The following CATSPERT variants were observed in gnomAD, a reference collection of about 807,000 sequenced individuals.
The protein encoded by CATSPERT is catsper channel auxiliary subunit tau.
the CATSPERT span, among the ~76,000 whole-genome samples, chr2:201,532,261 A>C: frequency 1.3e-5 from 2 of 152,220 alleles, no homozygotes; most frequent in African/African-American, 4.8e-5. Context: ...TAAGCTCCAC[A>C]AGAACATTTA....
chr2:201,503,342 T>G, the CATSPERT span, among the ~76,000 whole-genome samples: 1 of 152,334 alleles, frequency 6.6e-6, no homozygotes, highest in South Asian at 2.1e-4. Context: ...ATCTTCCTGC[T>G]TGAGCCTCCT....
the CATSPERT span, among the ~76,000 whole-genome samples, chr2:201,591,910 A>G: frequency 6.6e-6 from 1 of 151,924 alleles, no homozygotes; most frequent in East Asian, 1.9e-4. Flanking sequence ...TTTTCTAGAT[A>G]TACAATCATG....
At chr2:201,557,309 G>C in the CATSPERT span, 1 of 152,152 alleles carries the variant, frequency 6.6e-6, no homozygotes, top group Non-Finnish European at 1.5e-5. Flanking sequence ...GATGAGAAGG[G>C]GTGAGAATTA....
At chr2:201,592,094 C>T in the CATSPERT span, among the ~76,000 whole-genome samples, 1 of 151,450 alleles carries the variant, frequency 6.6e-6, no homozygotes. Flanking sequence ...CCAGTTTTTG[C>T]CCATTCAGTA....
At chr2:201,558,784 A>G in the CATSPERT span, among the ~76,000 whole-genome samples, 8,368 of 152,176 alleles carry the variant, frequency 0.055, 279 homozygotes, top group African/African-American at 0.08. Flanking sequence ...TGCCATCTTG[A>G]AGCGCACCCT....
chr2:201,527,420 A>C, the CATSPERT span, among the ~76,000 whole-genome samples: 1 of 152,224 alleles, frequency 6.6e-6, no homozygotes, highest in Non-Finnish European at 1.5e-5. Context: ...TCTAAAATTC[A>C]TATGGAGCCA....
the CATSPERT span, chr2:201,535,893 C>T: frequency 1.3e-6 from 2 of 1,518,254 alleles, no homozygotes; most frequent in East Asian, 2.5e-5. Flanking sequence ...AATTTTTAAT[C>T]TGGTGGAAAC....
the CATSPERT span, chr2:201,619,077 G>T: frequency 1.2e-6 from 2 of 1,614,186 alleles, no homozygotes; most frequent in Non-Finnish European, 1.7e-6. Flanking sequence ...GGACCTGCCC[G>T]CTGCGGTTAT....
chr2:201,582,337 T>A, the CATSPERT span: 7 of 957,698 alleles, frequency 7.3e-6, no homozygotes, highest in Admixed American at 1.5e-4. Flanking sequence ...TACTATTGCA[T>A]ACTATATTAT....
At chr2:201,524,546 A>G in the CATSPERT span, among the ~76,000 whole-genome samples, 7 of 152,224 alleles carry the variant, frequency 4.6e-5, no homozygotes, top group Admixed American at 6.5e-5. Flanking sequence ...CACTGACACT[A>G]TAAAACAACT....
At chr2:201,612,999 G>C in the CATSPERT span, among the ~76,000 whole-genome samples, 1 of 152,248 alleles carries the variant, frequency 6.6e-6, no homozygotes, top group African/African-American at 2.4e-5. Flanking sequence ...AGCAAGGCTG[G>C]GGGAGGGGCA....
At chr2:201,549,132 C>T in the CATSPERT span, among the ~76,000 whole-genome samples, 2 of 152,130 alleles carry the variant, frequency 1.3e-5, no homozygotes, top group African/African-American at 4.8e-5. Context: ...TAGACCAATA[C>T]ACTTTAACAA....
chr2:201,595,596 T>C, the CATSPERT span, among the ~76,000 whole-genome samples: 4 of 152,122 alleles, frequency 2.6e-5, no homozygotes, highest in Admixed American at 2.6e-4. Context: ...CCAGTTAGGC[T>C]GCTCGGGGGT....
the CATSPERT span, chr2:201,557,150 C>T: frequency 6.6e-6 from 1 of 152,158 alleles, no homozygotes; most frequent in Non-Finnish European, 1.5e-5. Flanking sequence ...ACCAGTGGCA[C>T]TTTCTGTTAC....
chr2:201,499,789 T>TA, the CATSPERT span, among the ~76,000 whole-genome samples: 1 of 151,142 alleles, frequency 6.6e-6, no homozygotes, highest in African/African-American at 2.4e-5. Flanking sequence ...GCTATGATCA[T>TA]ACCACTACAC....
chr2:201,605,085 A>ACAC, the CATSPERT span, among the ~76,000 whole-genome samples: 24 of 149,536 alleles, frequency 1.6e-4, no homozygotes, highest in Non-Finnish European at 3.0e-4. Flanking sequence ...CACATACACA[A>ACAC]ACATATATAT....
the CATSPERT span, chr2:201,535,026 T>C: frequency 6.0e-6 from 4 of 664,796 alleles, no homozygotes; most frequent in Non-Finnish European, 7.4e-6. Flanking sequence ...GCAGTAGAAT[T>C]ATAACTGCTT....
chr2:201,616,747 A>G, the CATSPERT span, among the ~76,000 whole-genome samples: 1 of 152,242 alleles, frequency 6.6e-6, no homozygotes, highest in African/African-American at 2.4e-5. Flanking sequence ...GTATTCAATT[A>G]GGAAAAGAGG....
chr2:201,501,018 AAACAC>A, the CATSPERT span, among the ~76,000 whole-genome samples: 6 of 152,318 alleles, frequency 3.9e-5, no homozygotes, highest in East Asian at 1.2e-3. Context: ...AGACAAATGA[AAACAC>A]AACATACCAA....
Sources: gnomAD v4.1 joint callset for allele counts (sites outside exome capture counted in the v4.1 genomes callset) on GRCh38, gnomAD v4.1.1 for gene constraint, MANE v1.5 for transcripts, NCBI Gene and HGNC (gene_info 2026-07-23, HGNC 2026-07-21) for gene names.